The following CACNA1A variants were observed in gnomAD, a reference collection of about 807,000 sequenced individuals.
The protein encoded by CACNA1A is voltage-dependent P/Q-type calcium channel subunit alpha-1A.
CACNA1A carries 57 observed loss-of-function variants against 262.4 expected under a neutral mutation model. The observed-to-expected ratio is 0.22, with a 90% CI of 0.18 to 0.27. The LOEUF (loss-of-function observed/expected upper bound fraction) is 0.27, where lower values mean the gene tolerates loss of function less well. CACNA1A is among the 10% of genes least tolerant of loss of function. CACNA1A has a pLI of 1.00. For synonymous variants in CACNA1A, 1,431 were observed against 1,419.3 expected (o/e 1.01, Z -0.18); for missense variants, 2,526 against 3,562.8 (o/e 0.71, Z 7.41).
rs1235817856 is a variant in CACNA1A, at chr19:13,406,599, C to T, written c.540-34820G>A. 8.8e-5 allele frequency among the ~76,000 whole-genome samples: 13 copies of T among 147,522 alleles called. No homozygotes were observed. The South Asian group carries it at 1.8e-3, about 20-fold the overall frequency. On this transcript the variant is annotated intron_variant, in intron 3 of 46. Coordinates refer to ENST00000360228, the MANE Select transcript of CACNA1A (RefSeq NM_001127222.2). ...GAGGCTGGTGCATTCAGTGTCCACT[C>T]CCCAGCATCAGAGTGGATTCTACCC... is the stretch of plus-strand genomic sequence containing the variant.
intron 4 of CACNA1A, among the ~76,000 whole-genome samples, chr19:13,369,780 A>G (rs575144942): frequency 2.0e-5 from 3 of 152,310 alleles, no homozygotes; most frequent in Non-Finnish European, 4.4e-5. Context: ...CTGGGATTAC[A>G]GGTGTGAGCC....
At chr19:13,259,469 G>A in intron 27 of CACNA1A, 95 bp downstream of exon 27, 1 of 1,250,164 alleles carries the variant, frequency 8.0e-7, no homozygotes, top group African/African-American at 1.5e-5. Context: ...ACCATGCCCG[G>A]CCTCCAAGAC....
At chr19:13,323,222 G>A in intron 10 of CACNA1A, among the ~76,000 whole-genome samples, 1 of 152,144 alleles carries the variant, frequency 6.6e-6, no homozygotes, top group East Asian at 1.9e-4. Flanking sequence ...TCACAACACT[G>A]CGCTCCAGCT....
intron 1 of CACNA1A, among the ~76,000 whole-genome samples, chr19:13,498,310 C>T (rs550134250): frequency 1.2e-3 from 181 of 152,254 alleles, no homozygotes; most frequent in African/African-American, 4.1e-3. Context: ...CCTGCAAATG[C>T]TGTTCGTATG....
At chr19:13,295,091 T>C (rs1042162621) in intron 19 of CACNA1A, among the ~76,000 whole-genome samples, 3 of 152,248 alleles carry the variant, frequency 2.0e-5, no homozygotes, top group African/African-American at 7.2e-5. Flanking sequence ...CTTGGTCGTA[T>C]TTCTCAGAAT....
At chr19:13,305,537 C>A (rs561471846) in intron 15 of CACNA1A, among the ~76,000 whole-genome samples, 6 of 152,300 alleles carry the variant, frequency 3.9e-5, no homozygotes, top group Non-Finnish European at 8.8e-5. Context: ...TTCTAAGCCT[C>A]AGCACTGCTG....
At chr19:13,271,117 T>C (rs553091177) in intron 24 of CACNA1A, among the ~76,000 whole-genome samples, 13 of 17,096 alleles carry the variant, frequency 7.6e-4, no homozygotes, top group African/African-American at 3.1e-3. Context: ...TTCCTGTGAG[T>C]TGTAGGCCAA....
rs185248258 is a variant in CACNA1A at position 13,463,366 on chromosome 19, G to A, written c.294-8154C>T. ...AAACAGTCTCCAGTTCCCAGACATG[G>A]GCTTTAAAATCTTCAACACACAGTT... On this transcript the variant is annotated intron_variant, in intron 1 of 46. Coordinates refer to ENST00000360228, the MANE Select transcript of CACNA1A (RefSeq NM_001127222.2). Among the ~76,000 whole-genome samples the A allele has an allele frequency of 1.4e-3, 220 of 152,196 alleles. 1 individual carries two copies. The highest frequency in any genetic ancestry group is 2.2e-3 in the Non-Finnish European group (149 of 68,000).
intron 1 of CACNA1A, among the ~76,000 whole-genome samples, chr19:13,505,624 C>T (rs1361787005): frequency 6.6e-6 from 1 of 152,092 alleles, no homozygotes; most frequent in Non-Finnish European, 1.5e-5. Context: ...AAAGCCCCCA[C>T]CAAGGCTCCT....
rs189534559 is a variant in CACNA1A, at chr19:13,348,384, G to A, written c.978+11222C>T. Among the ~76,000 whole-genome samples the A allele has an allele frequency of 4.2e-4, 64 of 151,494 alleles. 1 individual carries two copies. In the East Asian group the frequency reaches 6.2e-3, roughly 15 times the overall value. On this transcript the variant is annotated intron_variant, in intron 6 of 46. Transcript: ENST00000360228. Reference sequence around the variant, plus strand: ...GGAGAAGGAGGTGGAGAAAGAGAAGGAAGAGAGAGAGAGAACACAAGAATA... The same window carrying A: ...GGAGAAGGAGGTGGAGAAAGAGAAGAAAGAGAGAGAGAGAACACAAGAATA...
At chr19:13,474,744 G>T (rs987601297) in intron 1 of CACNA1A, among the ~76,000 whole-genome samples, 15 of 151,964 alleles carry the variant, frequency 9.9e-5, no homozygotes, top group Non-Finnish European at 1.6e-4. Flanking sequence ...TTGAACCCAG[G>T]AGGCAGAGGT....
At chr19:13,273,349 G>A (rs537573849) in intron 24 of CACNA1A, 10 of 152,222 alleles carry the variant, frequency 6.6e-5, no homozygotes, top group Non-Finnish European at 1.2e-4. Flanking sequence ...CGGGAACAGT[G>A]CTAACTTGAT....
intron 3 of CACNA1A, among the ~76,000 whole-genome samples, chr19:13,393,569 CT>C (rs2059750094): frequency 7.6e-6 from 1 of 131,850 alleles, no homozygotes; most frequent in South Asian, 2.9e-4. Context: ...CCCTCCCCCC[CT>C]TCTTCTTCTT....
intron 1 of CACNA1A, among the ~76,000 whole-genome samples, chr19:13,481,879 A>G (rs1979363128): frequency 6.6e-6 from 1 of 151,928 alleles, no homozygotes; most frequent in Admixed American, 6.6e-5. Context: ...CCATCAAGGC[A>G]TCTTTCCCCA....
chr19:13,435,061 A>G (rs1219077082), intron 3 of CACNA1A, among the ~76,000 whole-genome samples: 17 of 151,534 alleles, frequency 1.1e-4, no homozygotes, highest in Admixed American at 1.1e-3. Context: ...AAGTACTGGG[A>G]TTATGGGTGT....
At chr19:13,279,937 T>C (rs757117974) in intron 22 of CACNA1A, among the ~76,000 whole-genome samples, 1 of 151,964 alleles carries the variant, frequency 6.6e-6, no homozygotes, top group Non-Finnish European at 1.5e-5. Flanking sequence ...GCCTCCCGAG[T>C]AGCTGGGATT....
chr19:13,473,752 C>T (rs966451921), intron 1 of CACNA1A, among the ~76,000 whole-genome samples: 2 of 63,588 alleles, frequency 3.1e-5, no homozygotes, highest in East Asian at 2.9e-4. Context: ...CAGGCTCCCC[C>T]CCACCCCCCT....
At chr19:13,380,645 CAAAAAAAAA>C (rs370031243) in intron 3 of CACNA1A, among the ~76,000 whole-genome samples, 1 of 55,202 alleles carries the variant, frequency 1.8e-5, no homozygotes, top group Non-Finnish European at 3.1e-5. Flanking sequence ...GACTCTGTCT[CAAAAAAAAA>C]AAAAAAAAAA....
intron 3 of CACNA1A, among the ~76,000 whole-genome samples, chr19:13,442,874 C>A (rs2060749287): frequency 6.6e-6 from 1 of 152,160 alleles, no homozygotes; most frequent in Admixed American, 6.6e-5. Flanking sequence ...TATTCAAATT[C>A]TCAAGTTTAT....
Sources: gnomAD v4.1 joint callset for allele counts (sites outside exome capture counted in the v4.1 genomes callset) on GRCh38, gnomAD v4.1.1 for gene constraint, MANE v1.5 for transcripts, NCBI Gene and HGNC (gene_info 2026-07-23, HGNC 2026-07-21) for gene names.